The following SMG1 variants were observed in gnomAD, a reference collection of about 807,000 sequenced individuals.
The protein encoded by SMG1 is serine/threonine-protein kinase SMG1.
Under a neutral mutation model 419.9 loss-of-function variants are expected in SMG1, and 22 were observed. That is an observed-to-expected ratio of 0.05 (90% CI 0.04 to 0.07). The LOEUF is 0.07. SMG1 is among the 10% of genes least tolerant of loss of function. The probability of loss-of-function intolerance (pLI) is 1.00; values close to 1 mark genes in which losing one functional copy is unlikely to be tolerated. For synonymous variants in SMG1, 1,538 were observed against 1,553.5 expected (o/e 0.99, Z 0.23); for missense variants, 3,185 against 4,342.0 (o/e 0.73, Z 7.49).
intron 1 of SMG1, among the ~76,000 whole-genome samples, chr16:18,910,293 T>C (rs1387236574): frequency 1.3e-5 from 2 of 150,128 alleles, no homozygotes; most frequent in East Asian, 3.9e-4. Context: ...TGCAGTGGTG[T>C]GATCTTGGCT....
Position 18,819,618 on chromosome 16 carries a change from G to C in SMG1, c.9778C>G (p.Arg3260Gly). ...TTGGCACCACCTGCCCACTTGAGTCGCTGTTCAATACTTGATTCAAGTGCA... is the reference window on the plus strand; with the variant it reads ...TTGGCACCACCTGCCCACTTGAGTCCCTGTTCAATACTTGATTCAAGTGCA... ...LAALESSIEQ[R>G]LKWAGGANPA... The change falls in exon 56 of 63, where the codon CGA becomes GGA. Residue 3260 changes from arginine (R) to glycine (G), a missense_variant. Coordinates refer to ENST00000446231, the MANE Select transcript of SMG1 (RefSeq NM_015092.5). 1 of 1,589,048 alleles carries C rather than the reference G, an allele frequency of 6.3e-7. No individual in the cohort carries two copies. The highest frequency in any genetic ancestry group is 8.6e-7 in the Non-Finnish European group (1 of 1,166,896).
intron 29 of SMG1, 22 bp downstream of exon 29, chr16:18,858,148 A>G (rs1360170759): frequency 6.5e-7 from 1 of 1,527,360 alleles, no homozygotes; most frequent in South Asian, 1.3e-5. Context: ...ATTTTCTCTT[A>G]CAAGAAAAAA....
intron 6 of SMG1, among the ~76,000 whole-genome samples, chr16:18,887,672 T>TAAAAAAA (rs368196825): frequency 8.2e-4 from 54 of 65,680 alleles, no homozygotes; most frequent in Non-Finnish European, 1.1e-3. Flanking sequence ...ACTTTTTATT[T>TAAAAAAA]AAAAAAAAAA....
intron 4 of SMG1, 64 bp from the exon 5 acceptor site, chr16:18,890,985 A>G: frequency 2.4e-6 from 2 of 830,184 alleles, no homozygotes; most frequent in South Asian, 1.4e-5. Context: ...AGCATTGTGT[A>G]CTTTTTTACT....
chr16:18,906,814 T>C (rs915161993), intron 1 of SMG1, among the ~76,000 whole-genome samples: 8 of 152,168 alleles, frequency 5.3e-5, no homozygotes. Context: ...TTCTGCCCCA[T>C]CACTCTTGGC....
intron 51 of SMG1, among the ~76,000 whole-genome samples, chr16:18,830,920 A>C (rs960930368): frequency 6.6e-6 from 1 of 152,256 alleles, no homozygotes. Flanking sequence ...TTCAGTGATC[A>C]GTCTCATTTT....
intron 56 of SMG1, among the ~76,000 whole-genome samples, chr16:18,817,866 G>A (rs991296198): frequency 1.3e-5 from 2 of 152,064 alleles, no homozygotes; most frequent in Non-Finnish European, 2.9e-5. Context: ...GCAGTATTAA[G>A]CTCATTTTAA....
chr16:18,906,070 G>T (rs1214135973), intron 1 of SMG1, among the ~76,000 whole-genome samples: 1 of 151,930 alleles, frequency 6.6e-6, no homozygotes, highest in Non-Finnish European at 1.5e-5. Flanking sequence ...ATACTCCCAG[G>T]TCCTCCAGTG....
chr16:18,835,486 T>A (rs1299559096), intron 48 of SMG1, among the ~76,000 whole-genome samples: 1 of 151,366 alleles, frequency 6.6e-6, no homozygotes, highest in Non-Finnish European at 1.5e-5. Context: ...CAAAAAAATA[T>A]AAAAATTGTT....
In SMG1 at chr16:18,858,174, A is replaced by G. The variant is rs779950835; in HGVS notation, c.4230T>C (p.Ile1410=). 3.9e-6 allele frequency: 6 copies of G among 1,550,938 alleles called. No individual in the cohort carries two copies. The Admixed American group carries it at 1.3e-4, about 32-fold the overall frequency. Residue 1410 remains isoleucine (I), a synonymous_variant, in exon 29 of 63, where the codon ATT becomes ATC. Transcript: ENST00000446231. ...CAAGAAAAAAAAACCACTTACCTTT[A>G]ATTTTCTCCAACAACTGATTCTGGT... is the stretch of plus-strand genomic sequence containing the variant. The part of the protein sequence containing the change: ...TMYQNQLLEK[I]KEQTVPIRSH...
chr16:18,904,745 G>A (rs750122024), intron 1 of SMG1, among the ~76,000 whole-genome samples: 1 of 151,692 alleles, frequency 6.6e-6, no homozygotes, highest in Admixed American at 6.6e-5. Context: ...GACCAGCCTC[G>A]CCAATGTAGT....
chr16:18,912,044 T>TGCACTCCAGCCTGG, intron 1 of SMG1, among the ~76,000 whole-genome samples: 1 of 142,732 alleles, frequency 7.0e-6, no homozygotes, highest in Non-Finnish European at 1.5e-5. Flanking sequence ...TGGTGCCAAC[T>TGCACTCCAGCCTGG]GCACTCCAGC....
At chr16:18,917,154 T>A (rs60356797) in intron 1 of SMG1, among the ~76,000 whole-genome samples, 46,516 of 151,288 alleles carry the variant, frequency 0.31, 7,903 homozygotes, top group Non-Finnish European at 0.38. Context: ...TTAATTTATT[T>A]ATTTATTTAT....
At chr16:18,836,233 T>C (rs1474334553) in intron 47 of SMG1, 21 bp from the exon 48 acceptor site, 8 of 1,606,672 alleles carry the variant, frequency 5.0e-6, no homozygotes, top group Non-Finnish European at 6.0e-6. Context: ...AAGACATTAT[T>C]AAACACAGTA....
chr16:18,922,362 A>G (rs2038230109), intron 1 of SMG1, among the ~76,000 whole-genome samples: 3 of 152,328 alleles, frequency 2.0e-5, no homozygotes, highest in South Asian at 2.1e-4. Context: ...CTGTTTCTTC[A>G]TATGAAAAAA....
chr16:18,858,316 C>T (rs771557734), intron 28 of SMG1, 26 bp from the exon 29 acceptor site: 8 of 1,571,526 alleles, frequency 5.1e-6, no homozygotes, highest in Non-Finnish European at 6.9e-6. Flanking sequence ...CAAAATTACT[C>T]AACATAAAAC....
chr16:18,885,415 A>C, intron 7 of SMG1, 126 bp downstream of exon 7: 1 of 1,239,104 alleles, frequency 8.1e-7, no homozygotes, highest in South Asian at 1.2e-5. Flanking sequence ...TTAACCCTGG[A>C]ACCTCAAATA....
Position 18,836,388 on chromosome 16 carries a change from A to T in SMG1, c.7749T>A (p.Leu2583=). The change falls in exon 47 of 63, where the codon CTT becomes CTA. Residue 2583 remains leucine, a synonymous_variant. Transcript: ENST00000446231. ...GGTCCATTTGTGTGCTTATCTCTTG[A>T]AGCAAGCTTGCAAGCTGTGTTGCTT... ...NLEATQLASL[L]QEISTQMDLG... The T allele has an allele frequency of 6.2e-7, 1 of 1,613,926 alleles. No individual in the cohort carries two copies. Among genetic ancestry groups the T allele is most frequent in the African/African-American group, 1.3e-5 (1 of 75,054 alleles).
At position 18,838,135 on chromosome 16, in the gene SMG1, G is replaced by A. The variant is rs1596492403; in HGVS notation, c.7292C>T (p.Ala2431Val). The A allele has an allele frequency of 2.5e-6, 4 of 1,613,824 alleles. No homozygotes were observed. The East Asian group carries it at 8.9e-5, about 36-fold the overall frequency. The change falls in exon 45 of 63, where the codon GCT becomes GTT. Residue 2431 changes from alanine to valine, a missense_variant. Physicochemically the swap from Ala to Val is moderately conservative, Grantham distance 64. Coordinates refer to ENST00000446231, the MANE Select transcript of SMG1 (RefSeq NM_015092.5). ...PLVDWTAGGEAGFAGAVYGGG... is the reference protein window; with the variant it reads ...PLVDWTAGGEVGFAGAVYGGG... ...ACCATAGACAGCACCAGCAAACCCAGCCTCGCCTCCTGCTGTCCAGTCCAC... is the reference window on the plus strand; with the variant it reads ...ACCATAGACAGCACCAGCAAACCCAACCTCGCCTCCTGCTGTCCAGTCCAC...
Sources: allele counts gnomAD v4.1 joint callset (sites outside exome capture counted in the v4.1 genomes callset), GRCh38; gene constraint gnomAD v4.1.1; transcripts MANE v1.5; gene names NCBI Gene and HGNC (gene_info 2026-07-23, HGNC 2026-07-21).